FSTL4: variants seen among roughly 807,000 people sequenced by gnomAD.
The protein encoded by FSTL4 is follistatin-related protein 4.
In FSTL4, 28 loss-of-function variants were observed where a neutral mutation model predicts 78.2. The observed-to-expected ratio is 0.36, with a 90% CI of 0.27 to 0.49. FSTL4 has a LOEUF of 0.49. Ranked by LOEUF, FSTL4 falls within the 20% of genes least tolerant of loss-of-function variation. The pLI, the probability that FSTL4 is intolerant of heterozygous loss-of-function variation, is 0.98. For missense variants in FSTL4, 922 were observed against 1,084.9 expected (o/e 0.85, Z 2.11); for synonymous variants, 422 against 440.5 (o/e 0.96, Z 0.53).
chr5:133,498,199 T>C (rs1758411831), intron 3 of FSTL4, among the ~76,000 whole-genome samples: 2 of 152,192 alleles, frequency 1.3e-5, no homozygotes, highest in South Asian at 4.1e-4. Flanking sequence ...CAAGCTCTTC[T>C]CCTTAGAGCT....
the FSTL4 span, among the ~76,000 whole-genome samples, chr5:133,739,419 G>A: frequency 1.6e-3 from 244 of 152,206 alleles, 1 homozygote; most frequent in South Asian, 0.01. Flanking sequence ...CCCACTGCCA[G>A]CAGAACATCA....
chr5:133,795,175 T>C, the FSTL4 span, among the ~76,000 whole-genome samples: 1 of 152,226 alleles, frequency 6.6e-6, no homozygotes, highest in African/African-American at 2.4e-5. Flanking sequence ...AGGTGAGCTT[T>C]ATTTGGCCGT....
chr5:133,629,835 G>GTCCCATAACAAGTGGGACAAGGGGCCA, the FSTL4 span, among the ~76,000 whole-genome samples: 1 of 151,932 alleles, frequency 6.6e-6, no homozygotes, highest in Non-Finnish European at 1.5e-5. Context: ...TGCAAGGCTG[G>GTCCCATAACAAGTGGGACAAGGGGCCA]TTCAATATAT....
chr5:133,396,945 G>A (rs149119448), intron 4 of FSTL4, among the ~76,000 whole-genome samples: 1 of 152,252 alleles, frequency 6.6e-6, no homozygotes, highest in African/African-American at 2.4e-5. Context: ...ACCTGCAACC[G>A]CCCGCAGGCT....
Position 133,461,521 on chromosome 5 carries a change from G to A in FSTL4, c.161-60535C>T, listed in dbSNP as rs569743174. ...GTCCTTGAAACATCCTGGGATGAAT[G>A]CAAATTTGATTTTTACTCCCTAAAC... On this transcript the variant is annotated intron_variant, in intron 3 of 15. Coordinates refer to ENST00000265342, the MANE Select transcript of FSTL4 (RefSeq NM_015082.2). Among the ~76,000 whole-genome samples, 30 of 151,234 alleles carry A rather than the reference G, an allele frequency of 2.0e-4. No individual in the cohort carries two copies. The South Asian group carries it at 6.3e-3, about 32-fold the overall frequency.
At chr5:133,242,003 A>G (rs528729790) in intron 7 of FSTL4, among the ~76,000 whole-genome samples, 11 of 152,318 alleles carry the variant, frequency 7.2e-5, no homozygotes, top group African/African-American at 2.2e-4. Flanking sequence ...ACTCTTACAC[A>G]TTGTTGGAGA....
At chr5:133,364,131 GA>G in intron 4 of FSTL4, among the ~76,000 whole-genome samples, 1 of 152,224 alleles carries the variant, frequency 6.6e-6, no homozygotes, top group Non-Finnish European at 1.5e-5. Flanking sequence ...GCAGGCGATT[GA>G]CAACTCAGAA....
the FSTL4 span, among the ~76,000 whole-genome samples, chr5:133,780,730 C>T: frequency 1.3e-5 from 2 of 149,426 alleles, no homozygotes; most frequent in South Asian, 2.2e-4. Flanking sequence ...CAGAATAACC[C>T]GATGAGGTAG....
intron 3 of FSTL4, among the ~76,000 whole-genome samples, chr5:133,409,868 G>A (rs1049232701): frequency 3.3e-5 from 5 of 152,064 alleles, no homozygotes; most frequent in African/African-American, 1.2e-4. Flanking sequence ...GGAGAATAGC[G>A]ACCTGGGATC....
chr5:133,683,466 T>C, the FSTL4 span, among the ~76,000 whole-genome samples: 2 of 152,174 alleles, frequency 1.3e-5, no homozygotes, highest in South Asian at 2.1e-4. Context: ...CTCCACTCGT[T>C]TTTAATTGAG....
chr5:133,566,059 C>G lies in FSTL4; in HGVS notation c.160+1127G>C, dbSNP rs182778502. 2.1e-3 allele frequency among the ~76,000 whole-genome samples: 327 copies of G among 152,268 alleles called. 2 individuals are homozygous for G. The highest frequency in any genetic ancestry group is 7.6e-3 in the African/African-American group (314 of 41,532). On this transcript the variant is annotated intron_variant, in intron 3 of 15. Transcript: ENST00000265342. ...CAATGCAGTTTGCTTTACATATTGT[C>G]CTATAGTTCAGAGGACATCGAGTCC... is the stretch of plus-strand genomic sequence containing the variant.
chr5:133,649,122 T>C, the FSTL4 span, among the ~76,000 whole-genome samples: 2 of 152,230 alleles, frequency 1.3e-5, no homozygotes, highest in Non-Finnish European at 2.9e-5. Context: ...ATGTAGTACA[T>C]AGCCTTTTCA....
At chr5:133,320,824 G>A (rs572469711) in intron 4 of FSTL4, among the ~76,000 whole-genome samples, 28 of 152,064 alleles carry the variant, frequency 1.8e-4, no homozygotes, top group African/African-American at 4.1e-4. Flanking sequence ...TGGCTAACAC[G>A]GTGAAACCCC....
At chr5:133,298,380 T>G (rs1212151818) in intron 6 of FSTL4, among the ~76,000 whole-genome samples, 1 of 152,202 alleles carries the variant, frequency 6.6e-6, no homozygotes, top group Non-Finnish European at 1.5e-5. Flanking sequence ...CAGCCAACAC[T>G]CCATCGTGGG....
Position 133,611,335 on chromosome 5 carries a change from T to G in FSTL4, c.-11+990A>C, listed in dbSNP as rs1761088273. Among the ~76,000 whole-genome samples, 1 of 151,828 alleles carries G rather than the reference T, an allele frequency of 6.6e-6. No homozygotes were observed. The highest frequency in any genetic ancestry group is 2.4e-5 in the African/African-American group (1 of 41,352). On this transcript the variant is annotated intron_variant, in intron 1 of 15. Transcript: ENST00000265342. The surrounding 1 kb of genome is among the most constrained non-coding windows in gnomAD (Gnocchi z 4.9). ...CGGCGGCTTTCCGCTCCCGCAAGAG[T>G]TGCGGGCACAAAGTCCTCAGGTGGC...
At chr5:133,557,711 C>G (rs1052731131) in intron 3 of FSTL4, among the ~76,000 whole-genome samples, 9 of 152,168 alleles carry the variant, frequency 5.9e-5, no homozygotes, top group Non-Finnish European at 1.3e-4. Context: ...CAGAGAGGGG[C>G]AAAATGGAGG....
intron 3 of FSTL4, among the ~76,000 whole-genome samples, chr5:133,424,358 G>A (rs1756761307): frequency 6.6e-6 from 1 of 152,220 alleles, no homozygotes; most frequent in Non-Finnish European, 1.5e-5. Context: ...GACAATTTGG[G>A]AAGTTTACAG....
At chr5:133,508,286 A>G (rs888459880) in intron 3 of FSTL4, among the ~76,000 whole-genome samples, 2 of 152,174 alleles carry the variant, frequency 1.3e-5, no homozygotes, top group Non-Finnish European at 2.9e-5. Context: ...GATGGGTGGG[A>G]ATCATCTTAA....
At chr5:133,770,930 T>G in the FSTL4 span, among the ~76,000 whole-genome samples, 7 of 151,976 alleles carry the variant, frequency 4.6e-5, no homozygotes, top group East Asian at 5.8e-4. Context: ...TCTAGTTTCC[T>G]TCTTCTGCAT....
Sources: gnomAD v4.1 joint callset for allele counts (sites outside exome capture counted in the v4.1 genomes callset) on GRCh38, gnomAD v4.1.1 for gene constraint, Gnocchi (gnomAD v3.1) non-coding constraint, MANE v1.5 for transcripts, NCBI Gene and HGNC (gene_info 2026-07-23, HGNC 2026-07-21) for gene names.